Variants in REPS1 observed in about 807,000 individuals in gnomAD.
REPS1 encodes the protein ralBP1-associated Eps domain-containing protein 1.
In REPS1, 39 loss-of-function variants were observed where a neutral mutation model predicts 100.9. The observed-to-expected ratio is 0.39, with a 90% CI of 0.30 to 0.50. REPS1 has a LOEUF of 0.50. Among genes scored for constraint, REPS1 ranks in the 20% least tolerant of loss-of-function variants. The pLI, the probability that REPS1 is intolerant of heterozygous loss-of-function variation, is 0.86. For synonymous variants in REPS1, 324 were observed against 340.3 expected (o/e 0.95, Z 0.53); for missense variants, 821 against 968.5 (o/e 0.85, Z 2.02).
At chr6:138,912,587 T>C in intron 16 of REPS1, 178 bp downstream of exon 16, 1 of 636,096 alleles carries the variant, frequency 1.6e-6, no homozygotes, top group Non-Finnish European at 2.8e-6. Context: ...CAGACTCTGA[T>C]ACTTAGTAAG....
In REPS1 at chr6:138,917,561, C is replaced by A. The variant is rs771654246; in HGVS notation, c.1595G>T (p.Arg532Leu). 6.2e-7 allele frequency: 1 copy of A among 1,611,756 alleles called. No homozygotes were observed. Among genetic ancestry groups the A allele is most frequent in the Non-Finnish European group, 8.5e-7 (1 of 1,178,192 alleles). The change falls in exon 13 of 20, where the codon CGT becomes CTT. Residue 532 changes from arginine (R) to leucine (L), a missense_variant. Arg to Leu is a moderately radical substitution (Grantham distance 102, BLOSUM62 -2). Around this residue, in one of 3 missense-constraint regions of REPS1, gnomAD observed 757 missense variants for 866.4 expected, o/e 0.87. Transcript: ENST00000450536. ...CATTGACAGAAATACTGACCTTTGA[C>A]GAGTTACATTGCTCCCGATCTGTTC... is the stretch of plus-strand genomic sequence containing the variant. ...DPEQIGSNVT[R>L]QRSHSGTSPD...
intron 12 of REPS1, among the ~76,000 whole-genome samples, chr6:138,918,294 C>A (rs1780538993): frequency 6.6e-6 from 1 of 152,160 alleles, no homozygotes; most frequent in South Asian, 2.1e-4. Context: ...TATAAGAAAT[C>A]TAGAGATTAT....
Position 138,987,742 on chromosome 6 carries a change from G to C in REPS1, c.-60C>G. On this transcript the variant is annotated 5_prime_UTR_variant, in exon 1 of 20. Transcript: ENST00000450536. ...TGCACTACTCGGGGCCCGGCCCCAG[G>C]AACCTGGGCCGGCAGGGGCTGCGCG... 4 of 1,443,340 alleles carry C rather than the reference G, an allele frequency of 2.8e-6. No individual in the cohort carries two copies. Among genetic ancestry groups the C allele is most frequent in the Non-Finnish European group, 3.7e-6 (4 of 1,095,578 alleles). The allele number at this position is 1,443,340 out of a possible 1,614,324, so 89.4% of individuals were successfully genotyped here. A position where few individuals can be genotyped will look rare whatever the true frequency, so the allele number is the denominator to read the frequency against.
intron 1 of REPS1, among the ~76,000 whole-genome samples, chr6:138,948,343 G>T (rs190631380): frequency 6.6e-6 from 1 of 152,216 alleles, no homozygotes; most frequent in Admixed American, 6.5e-5. Flanking sequence ...GGGAAGAAAG[G>T]CAAGATACCT....
At chr6:138,952,445 G>C (rs904756967) in intron 1 of REPS1, among the ~76,000 whole-genome samples, 1 of 151,344 alleles carries the variant, frequency 6.6e-6, no homozygotes, top group Admixed American at 6.6e-5. Flanking sequence ...GTCACCCAGA[G>C]CTGGAGAGCA....
At chr6:138,987,491 A>G in intron 1 of REPS1, 39 bp downstream of exon 1, 2 of 1,512,680 alleles carry the variant, frequency 1.3e-6, no homozygotes, top group East Asian at 2.6e-5. Flanking sequence ...CAGTGACTGC[A>G]GGCCTAAGCC....
chr6:138,916,081 A>G (rs1780357715), intron 13 of REPS1, 105 bp from the exon 14 acceptor site: 1 of 833,160 alleles, frequency 1.2e-6, no homozygotes, highest in East Asian at 2.4e-5. Flanking sequence ...TATTAGCATG[A>G]CATTTTCTCA....
chr6:138,947,183 T>C (rs1782689507), intron 2 of REPS1, among the ~76,000 whole-genome samples: 1 of 152,164 alleles, frequency 6.6e-6, no homozygotes, highest in Non-Finnish European at 1.5e-5. Flanking sequence ...AAACCTCTCT[T>C]GTTTATACAT....
At chr6:138,924,678 A>G (rs1780987030) in intron 10 of REPS1, among the ~76,000 whole-genome samples, 1 of 152,236 alleles carries the variant, frequency 6.6e-6, no homozygotes, top group Non-Finnish European at 1.5e-5. Context: ...CAATAATGAG[A>G]CAGGAATAAT....
rs563261054 is a variant in REPS1 at position 138,941,338 on chromosome 6, C to A, written c.1132G>T (p.Ala378Ser). ...TCTCTTCAGCTCCCAATCTTACCTGCTGAATCTTCCAAATCAATCAGTTTG... is the reference window on the plus strand; with the variant it reads ...TCTCTTCAGCTCCCAATCTTACCTGATGAATCTTCCAAATCAATCAGTTTG... ...MPKLIDLEDS[A>S]DVGDQPGEVG... The change falls in exon 8 of 20, where the codon GCA (alanine) becomes TCA (serine). Residue 378 changes from alanine (A) to serine (S), a missense_variant. Around this residue, in one of 3 missense-constraint regions of REPS1, gnomAD observed 757 missense variants for 866.4 expected, o/e 0.87. Coordinates refer to ENST00000450536, the MANE Select transcript of REPS1 (RefSeq NM_001286611.2). 1.2e-6 allele frequency: 2 copies of A among 1,613,882 alleles called. No homozygotes were observed. Among genetic ancestry groups the A allele is most frequent in the South Asian group, 1.1e-5 (1 of 91,000 alleles).
At chr6:138,975,474 A>G (rs1784552587) in intron 1 of REPS1, among the ~76,000 whole-genome samples, 2 of 152,200 alleles carry the variant, frequency 1.3e-5, no homozygotes, top group Non-Finnish European at 2.9e-5. Context: ...GTAGTATTAA[A>G]GCCAAGATTC....
chr6:138,967,653 T>C (rs1003235247), intron 1 of REPS1, among the ~76,000 whole-genome samples: 1 of 152,124 alleles, frequency 6.6e-6, no homozygotes, highest in East Asian at 1.9e-4. Context: ...GCAGCAACAC[T>C]TTATACTCAG....
intron 1 of REPS1, chr6:138,951,303 C>G (rs142200741): frequency 1.6e-4 from 24 of 152,190 alleles, no homozygotes; most frequent in Non-Finnish European, 2.2e-4. Flanking sequence ...TTAATTTTAT[C>G]ATATGCAGAT....
chr6:138,979,665 T>C (rs1409643808), intron 1 of REPS1, among the ~76,000 whole-genome samples: 2 of 152,176 alleles, frequency 1.3e-5, no homozygotes, highest in African/African-American at 4.8e-5. Flanking sequence ...CTTGCATTAT[T>C]TGGCATCCAC....
chr6:138,962,654 T>A (rs1307337870), intron 1 of REPS1, among the ~76,000 whole-genome samples: 6 of 152,184 alleles, frequency 3.9e-5, no homozygotes, highest in Admixed American at 3.9e-4. Context: ...ACTTGCTGTA[T>A]CTTCAGTATG....
chr6:138,966,258 T>C (rs1303504400), intron 1 of REPS1, among the ~76,000 whole-genome samples: 1 of 152,056 alleles, frequency 6.6e-6, no homozygotes, highest in African/African-American at 2.4e-5. Flanking sequence ...CATGATATAA[T>C]TTCTGGTATA....
intron 8 of REPS1, among the ~76,000 whole-genome samples, chr6:138,939,343 T>C (rs1314180335): frequency 6.6e-6 from 1 of 152,178 alleles, no homozygotes; most frequent in Non-Finnish European, 1.5e-5. Context: ...TGCACAGATA[T>C]ACACAGGCAA....
In REPS1 at chr6:138,987,996, G is replaced by C. The variant is rs1403911073; in HGVS notation, c.-314C>G. ...GTGCAGAGAAAGAGGCGGGGGCCGC[G>C]GAGGCGCGAGGCACTGGCGGACTCC... On this transcript the variant is annotated 5_prime_UTR_variant, in exon 1 of 20. Transcript: ENST00000450536. 1 of 394,040 alleles carries C rather than the reference G, an allele frequency of 2.5e-6. No homozygotes were observed. The highest frequency in any genetic ancestry group is 3.6e-5 in the East Asian group (1 of 27,690). The allele number at this position is 394,040 out of a possible 1,614,324, so 24.4% of individuals were successfully genotyped here. A position where few individuals can be genotyped will look rare whatever the true frequency, so the allele number is the denominator to read the frequency against.
Position 138,950,467 on chromosome 6 carries a change from C to G in REPS1, c.154-2554G>C, listed in dbSNP as rs139874490. On this transcript the variant is annotated intron_variant, in intron 1 of 19. Transcript: ENST00000450536. Reference sequence around the variant, plus strand: ...CTTCACTCAAGCCTGGGCAACAGAGCAAGACTCTGTCTCCCCCCGCAAAAA... The same window carrying G: ...CTTCACTCAAGCCTGGGCAACAGAGGAAGACTCTGTCTCCCCCCGCAAAAA... Among the ~76,000 whole-genome samples, 902 of 152,056 alleles carry G rather than the reference C, an allele frequency of 5.9e-3. 6 individuals carry two copies. Among genetic ancestry groups the G allele is most frequent in the Middle Eastern group, 0.031 (9 of 294 alleles).
Sources: gnomAD v4.1 joint callset for allele counts (sites outside exome capture counted in the v4.1 genomes callset) on GRCh38, gnomAD v4.1.1 for gene constraint, gnomAD v4.1.1 regional missense constraint, MANE v1.5 for transcripts, NCBI Gene and HGNC (gene_info 2026-07-23, HGNC 2026-07-21) for gene names.